The following MET variants were observed in gnomAD, a reference collection of about 807,000 sequenced individuals.
The protein encoded by MET is MET proto-oncogene, receptor tyrosine kinase.
In MET, 48 loss-of-function variants were observed where a neutral mutation model predicts 133.1. That is an observed-to-expected ratio of 0.36 (90% CI 0.29 to 0.46). The LOEUF is 0.46. Among genes scored for constraint, MET ranks in the 20% least tolerant of loss-of-function variants. The probability of loss-of-function intolerance (pLI) is 1.00; values close to 1 mark genes in which losing one functional copy is unlikely to be tolerated. For synonymous variants in MET, 628 were observed against 616.5 expected (o/e 1.02, Z -0.28); for missense variants, 1,442 against 1,695.9 (o/e 0.85, Z 2.63).
At chr7:116,747,863 C>T (rs1296397597) in intron 5 of MET, among the ~76,000 whole-genome samples, 1 of 152,130 alleles carries the variant, frequency 6.6e-6, no homozygotes, top group African/African-American at 2.4e-5. Context: ...TAAAATTGGC[C>T]ACATAATTGG....
chr7:116,740,967 C>A lies in MET; in HGVS notation c.1643C>A (p.Ser548Ter), dbSNP rs767715328. ...CGWCHDKCVR[S>*]EECLSGTWTQ... ...TGGTGCCACGACAAATGTGTGCGAT[C>A]GGAGGAATGCCTGAGCGGGACATGG... Residue 548 changes from serine (S) to a stop codon, truncating the protein, a stop_gained, in exon 5 of 21, where the codon TCG becomes TAG. Coordinates refer to ENST00000397752, the MANE Select transcript of MET (RefSeq NM_000245.4). LOFTEE classifies it high-confidence loss of function. 1 of 1,613,718 alleles carries A rather than the reference C, an allele frequency of 6.2e-7. No individual in the cohort carries two copies. The highest frequency in any genetic ancestry group is 1.7e-5 in the Admixed American group (1 of 59,984).
chr7:116,796,359 G>A lies in MET; in HGVS notation c.*235G>A. On this transcript the variant is annotated 3_prime_UTR_variant, in exon 21 of 21. Transcript: ENST00000397752. The stretch of plus-strand genomic sequence containing the variant: ...GGCCTGCAGCCGTGACAACACTCCT[G>A]TCATATTGGAGTCCAAAACTTGAAT... 1.8e-6 allele frequency: 1 copy of A among 554,746 alleles called. No individual in the cohort carries two copies. The highest frequency in any genetic ancestry group is 3.2e-6 in the Non-Finnish European group (1 of 309,370). 34.4% of individuals were successfully genotyped at this position (554,746 alleles called of 1,614,324 possible).
intron 2 of MET, among the ~76,000 whole-genome samples, chr7:116,716,346 C>T (rs1221674339): frequency 3.1e-4 from 13 of 41,506 alleles, no homozygotes; most frequent in East Asian, 5.2e-4. Flanking sequence ...AGAAAAGAAA[C>T]GGAGAGAGAG....
chr7:116,681,189 C>T lies in MET; in HGVS notation c.-15+8612C>T, dbSNP rs554072150. ...ACCAGGAAGAATAGCAGGAATATGT[C>T]ACAGAAGCAGAGAAAGCTTTTATTC... On this transcript the variant is annotated intron_variant, in intron 1 of 20. Transcript: ENST00000397752. Among the ~76,000 whole-genome samples the T allele has an allele frequency of 2.2e-3, 342 of 152,216 alleles. 2 individuals are homozygous for T. The highest frequency in any genetic ancestry group is 8.0e-3 in the African/African-American group (333 of 41,524).
In MET at chr7:116,771,573, G is replaced by A. The variant is rs1794834628; in HGVS notation, c.2806G>A (p.Ala936Thr). ...QPDQNFTGLIAGVVSISTALL... is the reference protein window; with the variant it reads ...QPDQNFTGLITGVVSISTALL... ...AGATCAGAATTTCACAGGATTGATT[G>A]CTGGTGTTGTCTCAATATCAACAGC... The change falls in exon 13 of 21, where the codon GCT (alanine) becomes ACT (threonine). Residue 936 changes from alanine (A) to threonine (T), a missense_variant. Physicochemically the swap from Ala to Thr is moderately conservative, Grantham distance 58. Around this residue, in one of 6 missense-constraint regions of MET, gnomAD observed 514 missense variants for 659.6 expected, o/e 0.78. Coordinates refer to ENST00000397752, the MANE Select transcript of MET (RefSeq NM_000245.4). 3 of 1,613,872 alleles carry A rather than the reference G, an allele frequency of 1.9e-6. No homozygotes were observed. Among genetic ancestry groups the A allele is most frequent in the Non-Finnish European group, 1.7e-6 (2 of 1,179,806 alleles).
intron 5 of MET, 42 bp downstream of exon 5, chr7:116,741,067 G>GC (rs1793432087): frequency 7.4e-7 from 1 of 1,348,788 alleles, no homozygotes; most frequent in African/African-American, 1.8e-5. Context: ...TTTGTTTGGT[G>GC]TTTTTTTTTT....
intron 3 of MET, among the ~76,000 whole-genome samples, chr7:116,734,768 G>A (rs1348809709): frequency 1.3e-5 from 2 of 152,194 alleles, no homozygotes; most frequent in African/African-American, 2.4e-5. Context: ...ACAGACTGGG[G>A]AAGGAGATGT....
At chr7:116,775,279 C>G (rs1270595949) in intron 15 of MET, among the ~76,000 whole-genome samples, 168 bp downstream of exon 15, 1 of 152,190 alleles carries the variant, frequency 6.6e-6, no homozygotes, top group East Asian at 1.9e-4. Flanking sequence ...TAAATCATAT[C>G]CGTGGGGATT....
chr7:116,682,095 C>T (rs1796381393), intron 1 of MET, among the ~76,000 whole-genome samples: 1 of 152,118 alleles, frequency 6.6e-6, no homozygotes, highest in Non-Finnish European at 1.5e-5. Flanking sequence ...TACGTCAAGG[C>T]CCAGTGATTT....
At chr7:116,753,531 T>G (rs1211880808) in intron 5 of MET, among the ~76,000 whole-genome samples, 2 of 152,210 alleles carry the variant, frequency 1.3e-5, no homozygotes, top group Non-Finnish European at 1.5e-5. Context: ...ATAAATCCAT[T>G]GATAACATAC....
At chr7:116,702,766 C>T (rs1006213675) in intron 2 of MET, among the ~76,000 whole-genome samples, 1 of 152,178 alleles carries the variant, frequency 6.6e-6, no homozygotes, top group Non-Finnish European at 1.5e-5. Flanking sequence ...TAACTTTCTA[C>T]TTATGCTTCT....
At chr7:116,771,448 A>G (rs1358398757) in intron 12 of MET, 50 bp from the exon 13 acceptor site, 2 of 1,611,708 alleles carry the variant, frequency 1.2e-6, no homozygotes. Context: ...TGTGTAGTAC[A>G]AATATCTATC....
rs2117046565 is a variant in MET at position 116,778,855 on chromosome 7, C to G, written c.3420C>G (p.Leu1140=). The change falls in exon 17 of 21, where the codon CTC becomes CTG. Residue 1140 remains leucine, a synonymous_variant. Transcript: ENST00000397752. ...AAGATTTTAGTCATCCCAATGTCCT[C>G]TCGCTCCTGGGAATCTGCCTGCGAA... ...IMKDFSHPNV[L]SLLGICLRSE... The G allele has an allele frequency of 6.2e-7, 1 of 1,614,082 alleles. No individual in the cohort carries two copies. Among genetic ancestry groups the G allele is most frequent in the Non-Finnish European group, 8.5e-7 (1 of 1,179,960 alleles).
chr7:116,697,244 G>A (rs1043958781), intron 1 of MET, among the ~76,000 whole-genome samples: 1 of 152,034 alleles, frequency 6.6e-6, no homozygotes. Context: ...ATATATTAGG[G>A]TATCAAATCC....
chr7:116,731,220 C>T (rs1792990031), intron 2 of MET, among the ~76,000 whole-genome samples: 1 of 152,102 alleles, frequency 6.6e-6, no homozygotes, highest in Non-Finnish European at 1.5e-5. Flanking sequence ...AACCACCACT[C>T]CCTACCATCT....
intron 2 of MET, among the ~76,000 whole-genome samples, chr7:116,717,885 C>T (rs1792308029): frequency 6.6e-6 from 1 of 152,000 alleles, no homozygotes; most frequent in Non-Finnish European, 1.5e-5. Context: ...ATATATAGCA[C>T]TTCAATTTTC....
intron 6 of MET, 32 bp from the exon 7 acceptor site, chr7:116,757,405 G>A (rs1794217838): frequency 6.4e-7 from 1 of 1,566,960 alleles, no homozygotes; most frequent in Admixed American, 1.7e-5. Flanking sequence ...CCTTGGATTT[G>A]TCATGTATTA....
intron 10 of MET, among the ~76,000 whole-genome samples, chr7:116,761,761 T>C (rs1449201119): frequency 6.6e-6 from 1 of 152,094 alleles, no homozygotes; most frequent in Admixed American, 6.5e-5. Flanking sequence ...TATATAAAAC[T>C]AAATAGTATA....
intron 2 of MET, among the ~76,000 whole-genome samples, 192 bp from the exon 3 acceptor site, chr7:116,731,476 T>A (rs1265733679): frequency 1.3e-5 from 2 of 152,216 alleles, no homozygotes; most frequent in African/African-American, 4.8e-5. Flanking sequence ...TTTTAGAGTC[T>A]ATAAATAATG....
Sources: gnomAD v4.1 joint callset for allele counts (sites outside exome capture counted in the v4.1 genomes callset) on GRCh38, gnomAD v4.1.1 for gene constraint, gnomAD v4.1.1 regional missense constraint, MANE v1.5 for transcripts, NCBI Gene and HGNC (gene_info 2026-07-23, HGNC 2026-07-21) for gene names.